GGT1: variants seen among roughly 807,000 people sequenced by gnomAD.
GGT1 encodes the protein gamma-glutamyltransferase 1.
Under a neutral mutation model 56.0 loss-of-function variants are expected in GGT1, and 21 were observed. The observed-to-expected ratio is 0.38, with a 90% CI of 0.27 to 0.54. The LOEUF (loss-of-function observed/expected upper bound fraction) is 0.54, where lower values mean the gene tolerates loss of function less well. Among genes scored for constraint, GGT1 ranks in the 20% least tolerant of loss-of-function variants. The pLI, the probability that GGT1 is intolerant of heterozygous loss-of-function variation, is 0.82. For missense variants in GGT1, 466 were observed against 787.0 expected (o/e 0.59, Z 4.88); for synonymous variants, 238 against 342.6 (o/e 0.69, Z 3.37).
chr22:24,600,355 C>T (rs2045763003), upstream of GGT1, among the ~76,000 whole-genome samples: 2 of 152,240 alleles, frequency 1.3e-5, no homozygotes, highest in East Asian at 1.9e-4. Context: ...GATACCCACA[C>T]TATCAGTGGC....
chr22:24,606,005 AATATATC>A (rs1341439416), intron 1 of GGT1, among the ~76,000 whole-genome samples: 4 of 59,968 alleles, frequency 6.7e-5, no homozygotes, highest in African/African-American at 2.9e-4. Flanking sequence ...TAATTTATAT[AATATATC>A]ATATATTATA....
chr22:24,594,391 ATGTGTGTGTGTGTGTG>A (rs61535476), upstream of GGT1, among the ~76,000 whole-genome samples: 3 of 142,208 alleles, frequency 2.1e-5, no homozygotes, highest in African/African-American at 8.4e-5. Context: ...ACCCGTGTGT[ATGTGTGTGTGTGTGTG>A]TGTGTGTGTG....
rs144654063 is a variant in GGT1, at chr22:24,615,271, C to T, written c.382+144C>T. On this transcript the variant is annotated intron_variant, in intron 7 of 15. Transcript: ENST00000400382. ...CCCTTCCTGTCCCCATAGCACCCTCCCACAATGAGTGGTCAGGACCATCAT... is the reference window on the plus strand; with the variant it reads ...CCCTTCCTGTCCCCATAGCACCCTCTCACAATGAGTGGTCAGGACCATCAT... The T allele has an allele frequency of 9.7e-4, 612 of 631,462 alleles. 1 individual carries two copies. Among genetic ancestry groups the T allele is most frequent in the African/African-American group, 9.6e-3 (521 of 54,342 alleles). 39.1% of individuals were successfully genotyped at this position (631,462 alleles called of 1,614,324 possible). A position where few individuals can be genotyped will look rare whatever the true frequency, so the allele number is the denominator to read the frequency against.
intron 11 of GGT1, among the ~76,000 whole-genome samples, chr22:24,626,584 C>T (rs1440546531): frequency 6.6e-6 from 1 of 151,950 alleles, no homozygotes; most frequent in African/African-American, 2.4e-5. Flanking sequence ...CCCAAACCTG[C>T]CCCTTCTGCA....
At position 24,614,382 on chromosome 22, in the gene GGT1, C is replaced by T. The variant is rs183374293; in HGVS notation, c.165-394C>T. Among the ~76,000 whole-genome samples, 224 of 129,392 alleles carry T rather than the reference C, an allele frequency of 1.7e-3. 2 individuals carry two copies. In the East Asian group the frequency reaches 0.042, roughly 24 times the overall value. 84.9% of individuals were successfully genotyped at this position (129,392 alleles called of 152,430 possible). A position where few individuals can be genotyped will look rare whatever the true frequency, so the allele number is the denominator to read the frequency against. On this transcript the variant is annotated intron_variant, in intron 5 of 15. Transcript: ENST00000400382. ...AAAAAAAAAAAAAAAAAAAAAGAGGCCAAGGCAGGCGGATCATGAGGTCAA... is the reference window on the plus strand; with the variant it reads ...AAAAAAAAAAAAAAAAAAAAAGAGGTCAAGGCAGGCGGATCATGAGGTCAA...
chr22:24,605,117 T>C (rs2045981161), intron 1 of GGT1, among the ~76,000 whole-genome samples: 2 of 84,690 alleles, frequency 2.4e-5, no homozygotes, highest in South Asian at 2.9e-4. Context: ...TTATATATTA[T>C]ATAATATGTA....
upstream of GGT1, chr22:24,592,714 C>T (rs2045607665): frequency 1.4e-5 from 18 of 1,291,254 alleles, no homozygotes; most frequent in Middle Eastern, 3.0e-4. Context: ...GTCGCGCCCT[C>T]GGAACCCGCC....
chr22:24,588,147 C>T, the GGT1 span: 1 of 1,230,746 alleles, frequency 8.1e-7, no homozygotes, highest in South Asian at 1.3e-5. Context: ...GGTGAGAGTG[C>T]AGGTGTCAAC....
At position 24,620,268 on chromosome 22, in the gene GGT1, C is replaced by T; in HGVS notation, c.383-60C>T. The T allele has an allele frequency of 6.4e-7, 1 of 1,574,142 alleles. No individual in the cohort carries two copies. Among genetic ancestry groups the T allele is most frequent in the Non-Finnish European group, 8.6e-7 (1 of 1,159,168 alleles). ...GTCAGGGACTGTGCCTGGGATGCTGCCTGCGAGAGATCCCGATGTCCCCCA... is the reference window on the plus strand; with the variant it reads ...GTCAGGGACTGTGCCTGGGATGCTGTCTGCGAGAGATCCCGATGTCCCCCA... On this transcript the variant is annotated intron_variant, in intron 7 of 15. Coordinates refer to ENST00000400382, the MANE Select transcript of GGT1 (RefSeq NM_001288833.2). The surrounding 1 kb of genome is among the most constrained non-coding windows in gnomAD (Gnocchi z 5.6).
intron 1 of GGT1, among the ~76,000 whole-genome samples, chr22:24,605,467 A>AATATTATATAATGTGTATTATATATTAT (rs2046119161): frequency 1.3e-5 from 1 of 75,452 alleles, no homozygotes; most frequent in Non-Finnish European, 2.1e-5. Flanking sequence ...TATATAATAT[A>AATATTATATAATGTGTATTATATATTAT]ATATTATATA....
At chr22:24,600,980 A>G (rs561836832), upstream of GGT1, among the ~76,000 whole-genome samples, 1 of 152,376 alleles carries the variant, frequency 6.6e-6, no homozygotes, top group South Asian at 2.1e-4. Context: ...ATGCTGGAAG[A>G]TCAGAGAGCA....
chr22:24,616,440 A>T (rs1370561135), intron 7 of GGT1, among the ~76,000 whole-genome samples: 1 of 149,946 alleles, frequency 6.7e-6, no homozygotes, highest in Non-Finnish European at 1.5e-5. Context: ...TGGAGGATGG[A>T]GGGGCAGGAC....
At chr22:24,605,901 A>G (rs1376477197) in intron 1 of GGT1, among the ~76,000 whole-genome samples, 9 of 88,842 alleles carry the variant, frequency 1.0e-4, no homozygotes, top group East Asian at 9.4e-4. Flanking sequence ...ATTATATATT[A>G]TATAATATTA....
At chr22:24,618,711 T>C (rs566942421) in intron 7 of GGT1, among the ~76,000 whole-genome samples, 17 of 152,330 alleles carry the variant, frequency 1.1e-4, no homozygotes, top group Middle Eastern at 3.4e-3. Context: ...CTTCTAGGAA[T>C]TGAAACCACC....
At chr22:24,585,982 A>G in the GGT1 span, 1 of 1,610,524 alleles carries the variant, frequency 6.2e-7, no homozygotes, top group Non-Finnish European at 8.5e-7. Flanking sequence ...CACTGCCCTC[A>G]GGCTCAAGGT....
chr22:24,604,000 A>C (rs1391284627), intron 1 of GGT1, among the ~76,000 whole-genome samples: 2 of 152,038 alleles, frequency 1.3e-5, no homozygotes, highest in African/African-American at 4.8e-5. Flanking sequence ...TGGTTATTAA[A>C]TCTTACTGAA....
At position 24,619,321 on chromosome 22, in the gene GGT1, T is replaced by G. The variant is rs140276550; in HGVS notation, c.383-1007T>G. ...GCTGAGGCAGGAGAATTGCTTGAAC[T>G]CGGGAGGTGGAGGTTGGAGTGAGCC... On this transcript the variant is annotated intron_variant, in intron 7 of 15. Transcript: ENST00000400382. 3.0e-4 allele frequency among the ~76,000 whole-genome samples: 45 copies of G among 149,408 alleles called. No homozygotes were observed. The East Asian group carries it at 7.9e-3, about 26-fold the overall frequency.
intron 7 of GGT1, among the ~76,000 whole-genome samples, chr22:24,616,353 G>A (rs2047065483): frequency 6.6e-6 from 1 of 150,956 alleles, no homozygotes; most frequent in South Asian, 2.1e-4. Context: ...GGAGGAGATT[G>A]CAGTGAGCCG....
chr22:24,609,296 G>C (rs964212322), intron 2 of GGT1: 1 of 152,150 alleles, frequency 6.6e-6, no homozygotes, highest in Non-Finnish European at 1.5e-5. Context: ...AACAGGTGGC[G>C]CCTGGATTCA....
Sources: gnomAD v4.1 joint callset for allele counts (sites outside exome capture counted in the v4.1 genomes callset) on GRCh38, gnomAD v4.1.1 for gene constraint, Gnocchi (gnomAD v3.1) non-coding constraint, MANE v1.5 for transcripts, NCBI Gene and HGNC (gene_info 2026-07-23, HGNC 2026-07-21) for gene names.